The following ZDHHC13 variants were observed in gnomAD, a reference collection of about 807,000 sequenced individuals.
ZDHHC13 encodes zDHHC palmitoyltransferase 13.
In ZDHHC13, 85 loss-of-function variants were observed where a neutral mutation model predicts 86.0. That is an observed-to-expected ratio of 0.99 (90% confidence interval 0.83 to 1.18). ZDHHC13 has a LOEUF of 1.18. Among genes scored for constraint, ZDHHC13 ranks in the 50% most tolerant of loss-of-function variants. ZDHHC13 has a pLI of 0.00. For synonymous variants in ZDHHC13, 263 were observed against 246.4 expected, an observed-to-expected ratio of 1.07 and a Z score of -0.63; for missense variants, 711 against 730.2, an observed-to-expected ratio of 0.97 and a Z score of 0.30.
upstream of ZDHHC13, chr11:19,117,135 G>T: frequency 2.6e-6 from 3 of 1,151,804 alleles, no homozygotes; most frequent in Non-Finnish European, 3.7e-6. This position sits in a 1 kb window ranked among gnomAD's most constrained non-coding sequence, Gnocchi z 4.2. Flanking sequence ...GACCGCAGCG[G>T]CGGAGGTGAG....
intron 11 of ZDHHC13, among the ~76,000 whole-genome samples, chr11:19,163,891 T>G (rs1156685390): frequency 6.6e-6 from 1 of 152,202 alleles, no homozygotes; most frequent in Non-Finnish European, 1.5e-5. Flanking sequence ...GAATGTTGTC[T>G]TTGTTACCTA....
At position 19,175,945 on chromosome 11, in the gene ZDHHC13, TCTTCGCTCAGTATGAAG is replaced by T; in HGVS notation, c.1855_*2del. 7 of 1,609,228 alleles carry T rather than the reference TCTTCGCTCAGTATGAAG, an allele frequency of 4.3e-6. No homozygotes were observed. The highest frequency in any genetic ancestry group is 5.9e-6 in the Non-Finnish European group (7 of 1,178,466). On this transcript the variant is annotated stop_lost and 3_prime_UTR_variant, in exon 17 of 17. Coordinates refer to ENST00000446113, the MANE Select transcript of ZDHHC13 (RefSeq NM_019028.3). ...TCTTTCACCCAGCCAGGGAGAAGGT[TCTTCGCTCAGTATGAAG>T]AAAAGCAACCCAAAACTCTCAATCT...
chr11:19,165,963 CAG>C (rs1311485991), intron 13 of ZDHHC13, among the ~76,000 whole-genome samples: 1 of 152,188 alleles, frequency 6.6e-6, no homozygotes, highest in African/African-American at 2.4e-5. Flanking sequence ...AAGAAAGAGA[CAG>C]GGTATGATTT....
rs1326890320 is a variant in ZDHHC13, at chr11:19,163,283, T to G, written c.1109-20T>G. On this transcript the variant is annotated intron_variant, in intron 10 of 16. Coordinates refer to ENST00000446113, the MANE Select transcript of ZDHHC13 (RefSeq NM_019028.3). ...TTATTTTTAAAGGAAGTTTGGTGTA[T>G]TCCTTAACTTGGCTTTAACATTTAG... 14 of 1,569,722 alleles carry G rather than the reference T, an allele frequency of 8.9e-6. No homozygotes were observed. The highest frequency in any genetic ancestry group is 1.2e-5 in the Non-Finnish European group (14 of 1,165,826).
Position 19,155,903 on chromosome 11 carries a change from G to GT in ZDHHC13, c.987dup (p.Leu330SerfsTer13). On this transcript the variant is annotated frameshift_variant, in exon 9 of 17. Coordinates refer to ENST00000446113, the MANE Select transcript of ZDHHC13 (RefSeq NM_019028.3). LOFTEE classifies it high-confidence loss of function. ...TAAAAGGATGTCTTCTAGTAACACT[G>GT]TTTTTTCTGACATCTTTGTTTCCAA... The GT allele has an allele frequency of 1.2e-6, 2 of 1,608,502 alleles. No individual in the cohort carries two copies. Among genetic ancestry groups the GT allele is most frequent in the East Asian group, 2.2e-5 (1 of 44,558 alleles).
At position 19,152,146 on chromosome 11, in the gene ZDHHC13, A is replaced by G. The variant is rs747750256; in HGVS notation, c.585-12A>G. ...TGTTAATGCCTCTTGGTATTTTATT[A>G]TTTTGAGACAGGCCAGAACCAACTG... is the stretch of plus-strand genomic sequence containing the variant. On this transcript the variant is annotated splice_polypyrimidine_tract_variant and intron_variant, in intron 6 of 16. Transcript: ENST00000446113. The G allele has an allele frequency of 1.2e-6, 2 of 1,609,400 alleles. No homozygotes were observed. Among genetic ancestry groups the G allele is most frequent in the African/African-American group, 2.7e-5 (2 of 74,732 alleles).
chr11:19,169,977 G>T, intron 14 of ZDHHC13: 2 of 996,610 alleles, frequency 2.0e-6, no homozygotes, highest in Non-Finnish European at 2.4e-6. Context: ...GTGCTTGTGG[G>T]ATATCTTGTG....
chr11:19,153,783 T>C (rs1849681436), intron 8 of ZDHHC13, among the ~76,000 whole-genome samples: 1 of 151,880 alleles, frequency 6.6e-6, no homozygotes, highest in Non-Finnish European at 1.5e-5. Context: ...CCTGATACCC[T>C]CCCCACCCTT....
At chr11:19,169,605 A>G in intron 14 of ZDHHC13, 1 of 985,446 alleles carries the variant, frequency 1.0e-6, no homozygotes, top group East Asian at 1.1e-4. Flanking sequence ...TTTAAAAATA[A>G]TTCACCCTTT....
At chr11:19,154,677 T>A (rs1849708648) in intron 8 of ZDHHC13, among the ~76,000 whole-genome samples, 1 of 152,204 alleles carries the variant, frequency 6.6e-6, no homozygotes. Context: ...AGGACATATT[T>A]CAGTCTTTGA....
rs190288856 is a variant in ZDHHC13, at chr11:19,155,970, T to A, written c.1007+41T>A. ...TTTGCAAGGCTGGTTATTGTGTTTCTGATTTTATTTCTTATTTCTGTTGTT... is the reference window on the plus strand; with the variant it reads ...TTTGCAAGGCTGGTTATTGTGTTTCAGATTTTATTTCTTATTTCTGTTGTT... On this transcript the variant is annotated intron_variant, in intron 9 of 16. Coordinates refer to ENST00000446113, the MANE Select transcript of ZDHHC13 (RefSeq NM_019028.3). 3.1e-4 allele frequency: 488 copies of A among 1,560,750 alleles called. 3 individuals are homozygous for A. In the African/African-American group the frequency reaches 6.0e-3, roughly 19 times the overall value.
intron 1 of ZDHHC13, among the ~76,000 whole-genome samples, chr11:19,128,734 A>G (rs1848928270): frequency 6.6e-6 from 1 of 152,156 alleles, no homozygotes; most frequent in Non-Finnish European, 1.5e-5. Context: ...AGTTCATGGA[A>G]ATAGGTTTGG....
chr11:19,164,093 T>G (rs1042103661), intron 11 of ZDHHC13, among the ~76,000 whole-genome samples: 1 of 152,160 alleles, frequency 6.6e-6, no homozygotes, highest in Non-Finnish European at 1.5e-5. Flanking sequence ...GGTATAATTT[T>G]TATGCATCCT....
In ZDHHC13 at chr11:19,151,290, A is replaced by G. The variant is rs77799881; in HGVS notation, c.584+499A>G. On this transcript the variant is annotated intron_variant, in intron 6 of 16. Transcript: ENST00000446113. Reference sequence around the variant, plus strand: ...CTTACATATTCAAGTTTTTCTGTGTATTTATTTCTATAAACACATGATTAA... The same window carrying G: ...CTTACATATTCAAGTTTTTCTGTGTGTTTATTTCTATAAACACATGATTAA... Among the ~76,000 whole-genome samples, 894 of 152,130 alleles carry G rather than the reference A, an allele frequency of 5.9e-3. 29 individuals are homozygous for G. In the East Asian group the frequency reaches 0.087, roughly 15 times the overall value.
chr11:19,163,571 A>G, intron 11 of ZDHHC13, 144 bp downstream of exon 11: 1 of 888,858 alleles, frequency 1.1e-6, no homozygotes, highest in South Asian at 4.3e-5. Flanking sequence ...TTCCACTCTT[A>G]CAGTTTTTTC....
chr11:19,143,074 C>G lies in ZDHHC13; in HGVS notation c.124C>G (p.Leu42Val). ...AGAACTTGCCAATGCAAGAGAAGCT[C>G]TTCCTCTTATAGAGGACTCTAGTAA... ...NKELANAREA[L>V]PLIEDSSNCD... Residue 42 changes from leucine to valine, a missense_variant, in exon 2 of 17, where the codon CTT becomes GTT. Transcript: ENST00000446113. 6 of 1,613,410 alleles carry G rather than the reference C, an allele frequency of 3.7e-6. No individual in the cohort carries two copies. Among genetic ancestry groups the G allele is most frequent in the Non-Finnish European group, 5.1e-6 (6 of 1,179,596 alleles).
At chr11:19,131,734 A>G (rs1351544044) in intron 1 of ZDHHC13, among the ~76,000 whole-genome samples, 2 of 151,928 alleles carry the variant, frequency 1.3e-5, no homozygotes, top group Admixed American at 6.6e-5. Context: ...CCCAGGTTCA[A>G]GTGATTCTCC....
Position 19,175,866 on chromosome 11 carries a change from G to T in ZDHHC13, c.1775G>T (p.Cys592Phe), listed in dbSNP as rs746367690. 23 of 1,613,358 alleles carry T rather than the reference G, an allele frequency of 1.4e-5. No homozygotes were observed. Among genetic ancestry groups the T allele is most frequent in the Non-Finnish European group, 1.9e-5 (22 of 1,179,724 alleles). Residue 592 changes from cysteine (C) to phenylalanine (F), a missense_variant, in exon 17 of 17, where the codon TGC becomes TTC. Physicochemically the swap from Cys to Phe is radical, Grantham distance 205 (BLOSUM62 -2). Coordinates refer to ENST00000446113, the MANE Select transcript of ZDHHC13 (RefSeq NM_019028.3). ...CTGGCAGATTTCTTTCAGTGTGGCT[G>T]CTTTGGCTTGGTGAAGCCCTGTGTG... ...QNLADFFQCG[C>F]FGLVKPCVVD... is the part of the protein sequence containing the mutation.
At chr11:19,174,905 A>T (rs1850317972) in intron 16 of ZDHHC13, among the ~76,000 whole-genome samples, 1 of 152,224 alleles carries the variant, frequency 6.6e-6, no homozygotes, top group Admixed American at 6.5e-5. Context: ...GGGATACCTT[A>T]TATAGAGCCT....
Sources: allele counts gnomAD v4.1 joint callset (sites outside exome capture counted in the v4.1 genomes callset), GRCh38; gene constraint gnomAD v4.1.1; non-coding constraint Gnocchi (gnomAD v3.1); transcripts MANE v1.5; gene names NCBI Gene and HGNC (gene_info 2026-07-23, HGNC 2026-07-21).